Variants in SMARCD3 observed in about 807,000 individuals in gnomAD.
SMARCD3 encodes the protein SWI/SNF related BAF chromatin remodeling complex subunit D3.
In SMARCD3, 14 loss-of-function variants were observed where a neutral mutation model predicts 58.0. The ratio of observed to expected loss-of-function variants is 0.24; its 90% CI spans 0.16 to 0.38. The LOEUF is 0.38. SMARCD3 is among the 10% of genes least tolerant of loss of function. SMARCD3 has a pLI of 1.00. For missense variants in SMARCD3, 408 were observed against 636.9 expected (o/e 0.64, Z 3.87); for synonymous variants, 253 against 253.8 (o/e 1.00, Z 0.03).
intron 1 of SMARCD3, among the ~76,000 whole-genome samples, chr7:151,276,037 G>T (rs1313624333): frequency 6.6e-6 from 1 of 151,710 alleles, no homozygotes; most frequent in African/African-American, 2.4e-5. Context: ...GGAGGCTGGA[G>T]ACAGGGAGTG....
Position 151,248,487 on chromosome 7 carries a change from C to A in SMARCD3, c.76G>T (p.Val26Leu), listed in dbSNP as rs1044895900. 6.2e-7 allele frequency: 1 copy of A among 1,612,214 alleles called. No homozygotes were observed. Among genetic ancestry groups the A allele is most frequent in the Non-Finnish European group, 8.5e-7 (1 of 1,178,704 alleles). ...SKLFEFLVHG[V>L]RPGMPSGARM... Reference sequence around the variant, plus strand: ...CCCGCTAACTTTCCCCCACTCACCACCCCATGGACCAGAAACTCAAAAAGT... The same window carrying A: ...CCCGCTAACTTTCCCCCACTCACCAACCCATGGACCAGAAACTCAAAAAGT... Residue 26 changes from valine to leucine, a missense_variant and splice_region_variant, in exon 1 of 13, where the codon GTG becomes TTG. Coordinates refer to ENST00000262188, the MANE Select transcript of SMARCD3 (RefSeq NM_001003801.2). The surrounding 1 kb of genome is among the most constrained non-coding windows in gnomAD (Gnocchi z 6.1).
chr7:151,241,792 G>A lies in SMARCD3; in HGVS notation c.777+85C>T, dbSNP rs778780767. 1.4e-6 allele frequency: 2 copies of A among 1,392,906 alleles called. No individual in the cohort carries two copies. Among genetic ancestry groups the A allele is most frequent in the Non-Finnish European group, 2.0e-6 (2 of 997,626 alleles). 86.3% of individuals were successfully genotyped at this position (1,392,906 alleles called of 1,614,324 possible). On this transcript the variant is annotated intron_variant, in intron 7 of 12. Coordinates refer to ENST00000262188, the MANE Select transcript of SMARCD3 (RefSeq NM_001003801.2). The surrounding 1 kb of genome is among the most constrained non-coding windows in gnomAD (Gnocchi z 5.3). Reference sequence around the variant, plus strand: ...AGGATAGGTTTGGGAGGGGAAGGAGGTCTCTCAAGATGCACCACTTTGGGA... The same window carrying A: ...AGGATAGGTTTGGGAGGGGAAGGAGATCTCTCAAGATGCACCACTTTGGGA...
At position 151,242,640 on chromosome 7, in the gene SMARCD3, G is replaced by A; in HGVS notation, c.457-37C>T. On this transcript the variant is annotated intron_variant, in intron 4 of 12. Coordinates refer to ENST00000262188, the MANE Select transcript of SMARCD3 (RefSeq NM_001003801.2). This position sits in a 1 kb window ranked among gnomAD's most constrained non-coding sequence, Gnocchi z 4.7. Reference sequence around the variant, plus strand: ...GAGTGCAGAACCGGGCGAATGCTGTGTGCTCCCACCCCGACCACCCTGCTT... The same window carrying A: ...GAGTGCAGAACCGGGCGAATGCTGTATGCTCCCACCCCGACCACCCTGCTT... The A allele has an allele frequency of 6.2e-7, 1 of 1,612,088 alleles. No individual in the cohort carries two copies. The highest frequency in any genetic ancestry group is 8.5e-7 in the Non-Finnish European group (1 of 1,178,284).
At chr7:151,260,719 C>T (rs771299881) in intron 2 of SMARCD3, among the ~76,000 whole-genome samples, 1 of 152,204 alleles carries the variant, frequency 6.6e-6, no homozygotes, top group Non-Finnish European at 1.5e-5. Context: ...TACCACCTCA[C>T]CTTGCCTTCC....
rs1413856022 is a variant in SMARCD3, at chr7:151,239,228, C to CA, written c.1399-73dup. 2.0e-6 allele frequency: 3 copies of CA among 1,517,218 alleles called. No homozygotes were observed. Among genetic ancestry groups the CA allele is most frequent in the Non-Finnish European group, 9.2e-7 (1 of 1,092,212 alleles). 94.0% of individuals were successfully genotyped at this position (1,517,218 alleles called of 1,614,324 possible). A position where few individuals can be genotyped will look rare whatever the true frequency, so the allele number is the denominator to read the frequency against. ...TGATCAGGACAATCCCACCTACTGA[C>CA]ACCGCCTGCCCTGAAAGAGCATCTG... On this transcript the variant is annotated intron_variant, in intron 12 of 12. Transcript: ENST00000262188. The surrounding 1 kb of genome is among the most constrained non-coding windows in gnomAD (Gnocchi z 7.0).
chr7:151,272,460 T>A (rs1038664047), intron 2 of SMARCD3, among the ~76,000 whole-genome samples: 1 of 152,068 alleles, frequency 6.6e-6, no homozygotes, highest in African/African-American at 2.4e-5. Flanking sequence ...TTCCTCTCCC[T>A]CCCTTATGGC....
Position 151,245,482 on chromosome 7 carries a change from T to C in SMARCD3, c.268A>G (p.Thr90Ala). 8.2e-7 allele frequency: 1 copy of C among 1,223,426 alleles called. No homozygotes were observed. Among genetic ancestry groups the C allele is most frequent in the Non-Finnish European group, 1.0e-6 (1 of 981,938 alleles). 75.8% of individuals were successfully genotyped at this position (1,223,426 alleles called of 1,614,324 possible). Residue 90 changes from threonine to alanine, a missense_variant, in exon 2 of 13, where the codon ACC (threonine) becomes GCC (alanine). This residue lies in a region of SMARCD3 where 128 missense variants were observed against 188.8 expected (regional missense o/e 0.68). Coordinates refer to ENST00000262188, the MANE Select transcript of SMARCD3 (RefSeq NM_001003801.2). This position sits in a 1 kb window ranked among gnomAD's most constrained non-coding sequence, Gnocchi z 6.2. The part of the protein sequence containing the change: ...QAQSQGQPVP[T>A]APARSRSAKR... ...CACCTGCGGCTCCGCGCGGGGGCGG[T>C]GGGCACCGGCTGGCCCTGGCTCTGT...
At position 151,241,549 on chromosome 7, in the gene SMARCD3, G is replaced by A. The variant is rs1300668562; in HGVS notation, c.882C>T (p.Asn294=). 6.2e-7 allele frequency: 1 copy of A among 1,612,002 alleles called. No homozygotes were observed. Among genetic ancestry groups the A allele is most frequent in the Admixed American group, 1.7e-5 (1 of 59,670 alleles). The change falls in exon 8 of 13, where the codon AAC becomes AAT. Residue 294 remains asparagine (N), a synonymous_variant. Coordinates refer to ENST00000262188, the MANE Select transcript of SMARCD3 (RefSeq NM_001003801.2). This position sits in a 1 kb window ranked among gnomAD's most constrained non-coding sequence, Gnocchi z 5.3. ...CCTTGTCATGGGAGTCCTGCAGCCT[G>A]TTGGTCTTCACATACTGCCACAGGG... ...VQALWQYVKT[N]RLQDSHDKEY... is the part of the protein sequence containing the mutation.
upstream of SMARCD3, among the ~76,000 whole-genome samples, chr7:151,252,626 G>A (rs1459911972): frequency 2.6e-5 from 4 of 152,146 alleles, no homozygotes; most frequent in Non-Finnish European, 4.4e-5. Flanking sequence ...CACCAGCCTC[G>A]GGGGACCTCT....
At chr7:151,268,110 T>C (rs909563373) in intron 2 of SMARCD3, among the ~76,000 whole-genome samples, 13 of 152,292 alleles carry the variant, frequency 8.5e-5, no homozygotes, top group African/African-American at 2.2e-4. Flanking sequence ...AGGGGACAAG[T>C]GGCAGGCAAG....
At chr7:151,269,769 C>T (rs543016635) in intron 2 of SMARCD3, among the ~76,000 whole-genome samples, 6 of 152,210 alleles carry the variant, frequency 3.9e-5, no homozygotes, top group East Asian at 1.9e-4. Flanking sequence ...CTTGCAGTGG[C>T]GAGGGGCGCT....
chr7:151,248,738 A>ACGCCGCCGCCGCCCGCC (rs1030030416), upstream of SMARCD3: 6 of 1,169,830 alleles, frequency 5.1e-6, no homozygotes, highest in Non-Finnish European at 6.3e-6. The surrounding 1 kb of genome is among the most constrained non-coding windows in gnomAD (Gnocchi z 6.1). Context: ...CCCACGGCCC[A>ACGCCGCCGCCGCCCGCC]CGCCGCCGCC....
chr7:151,259,716 C>T (rs1012786992), intron 2 of SMARCD3, among the ~76,000 whole-genome samples: 1 of 145,130 alleles, frequency 6.9e-6, no homozygotes, highest in Non-Finnish European at 1.5e-5. Context: ...TTCAAGCGAT[C>T]CTCCTGCCTC....
chr7:151,239,568 C>G lies in SMARCD3; in HGVS notation c.1296+56G>C. On this transcript the variant is annotated intron_variant, in intron 11 of 12. Transcript: ENST00000262188. The surrounding 1 kb of genome is among the most constrained non-coding windows in gnomAD (Gnocchi z 7.0). ...CTGCCCCTGGAGTACAACGTTTACT[C>G]TCTTTCCCGCTGTGCTTGTCTTCCA... 1 of 1,612,968 alleles carries G rather than the reference C, an allele frequency of 6.2e-7. No individual in the cohort carries two copies. The highest frequency in any genetic ancestry group is 2.2e-5 in the East Asian group (1 of 44,842).
intron 2 of SMARCD3, among the ~76,000 whole-genome samples, chr7:151,271,050 G>C (rs970491907): frequency 1.3e-5 from 2 of 152,224 alleles, no homozygotes; most frequent in South Asian, 4.1e-4. Flanking sequence ...ACTGCAGAGG[G>C]GCCCTACTCC....
chr7:151,244,510 C>T (rs1803161583), intron 2 of SMARCD3, among the ~76,000 whole-genome samples: 1 of 152,128 alleles, frequency 6.6e-6, no homozygotes, highest in South Asian at 2.1e-4. Flanking sequence ...TCAAGCACTG[C>T]CCCCTCCCTA....
At chr7:151,275,085 C>T in intron 2 of SMARCD3, 1 of 1,602,996 alleles carries the variant, frequency 6.2e-7, no homozygotes, top group Non-Finnish European at 8.5e-7. Context: ...AGCTTCTGCT[C>T]CTGGGCTGGC....
intron 2 of SMARCD3, among the ~76,000 whole-genome samples, chr7:151,274,015 C>T (rs1372515450): frequency 1.3e-5 from 2 of 152,294 alleles, no homozygotes; most frequent in Non-Finnish European, 2.9e-5. Context: ...CCCACAGCCC[C>T]AGGCCTCCCC....
In SMARCD3 at chr7:151,239,304, TG is replaced by T; in HGVS notation, c.1398+91del. On this transcript the variant is annotated intron_variant, in intron 12 of 12. Transcript: ENST00000262188. The surrounding 1 kb of genome is among the most constrained non-coding windows in gnomAD (Gnocchi z 7.0). The stretch of plus-strand genomic sequence containing the variant: ...GAGGCAGCGTGGTGAAGCTTTACTG[TG>T]GGGAGCTGCGAGGGCTGCCCACAAG... 2 of 1,329,236 alleles carry T rather than the reference TG, an allele frequency of 1.5e-6. No homozygotes were observed. Among genetic ancestry groups the T allele is most frequent in the Non-Finnish European group, 2.2e-6 (2 of 923,216 alleles). 82.3% of individuals were successfully genotyped at this position (1,329,236 alleles called of 1,614,324 possible).
Sources: allele counts gnomAD v4.1 joint callset (sites outside exome capture counted in the v4.1 genomes callset), GRCh38; gene constraint gnomAD v4.1.1; regional missense constraint gnomAD v4.1.1; non-coding constraint Gnocchi (gnomAD v3.1); transcripts MANE v1.5; gene names NCBI Gene and HGNC (gene_info 2026-07-23, HGNC 2026-07-21).